The following GDAP1 variants were observed in gnomAD, a reference collection of about 807,000 sequenced individuals.
GDAP1 encodes the protein ganglioside induced differentiation associated protein 1.
GDAP1 carries 34 observed loss-of-function variants against 40.1 expected under a neutral mutation model. That is an observed-to-expected ratio of 0.85 (90% CI 0.64 to 1.13). The LOEUF (loss-of-function observed/expected upper bound fraction) is 1.13, where lower values mean the gene tolerates loss of function less well. Ranked by LOEUF, GDAP1 falls within the 50% of genes most tolerant of loss-of-function variation. The pLI is 0.00. For missense variants in GDAP1, 374 were observed against 433.7 expected (o/e 0.86, Z 1.22); for synonymous variants, 170 against 157.4 (o/e 1.08, Z -0.60).
intron 2 of GDAP1, among the ~76,000 whole-genome samples, chr8:74,390,104 C>A (rs149019167): frequency 3.9e-5 from 6 of 152,228 alleles, no homozygotes; most frequent in Non-Finnish European, 7.4e-5. Flanking sequence ...AGGTTCTTAG[C>A]CTCCTTGCAT....
intron 2 of GDAP1, among the ~76,000 whole-genome samples, chr8:74,457,933 C>T (rs1806355788): frequency 6.6e-6 from 1 of 152,084 alleles, no homozygotes; most frequent in Admixed American, 6.6e-5. Flanking sequence ...TAAAGTCCAT[C>T]ATAGTCCTTG....
intron 2 of GDAP1, among the ~76,000 whole-genome samples, chr8:74,374,848 T>TA (rs1176580992): frequency 3.3e-5 from 5 of 152,252 alleles, no homozygotes; most frequent in East Asian, 1.9e-4. Flanking sequence ...GAATTTGTAA[T>TA]AAAAAATAAC....
intron 2 of GDAP1, among the ~76,000 whole-genome samples, chr8:74,428,432 A>G (rs905951586): frequency 7.9e-5 from 12 of 151,326 alleles, no homozygotes; most frequent in African/African-American, 2.9e-4. Context: ...CACATTTTAC[A>G]TGAAATGTCA....
chr8:74,379,832 C>T (rs1809919235), intron 2 of GDAP1, among the ~76,000 whole-genome samples: 3 of 152,128 alleles, frequency 2.0e-5, no homozygotes, highest in Admixed American at 1.3e-4. Context: ...AGCAAAACAT[C>T]CTAAATAGGA....
intron 2 of GDAP1, among the ~76,000 whole-genome samples, chr8:74,416,014 C>T (rs1805773355): frequency 6.7e-6 from 1 of 149,820 alleles, no homozygotes; most frequent in African/African-American, 2.5e-5. Flanking sequence ...TGCAGGGAGG[C>T]TTATGGCCCT....
intron 2 of GDAP1, among the ~76,000 whole-genome samples, chr8:74,442,827 A>G (rs1332009175): frequency 6.6e-6 from 1 of 152,182 alleles, no homozygotes; most frequent in East Asian, 1.9e-4. Context: ...ATGCTTGGAC[A>G]TTTCCAGAAT....
At chr8:74,417,384 T>C (rs1805796589) in intron 2 of GDAP1, among the ~76,000 whole-genome samples, 2 of 149,834 alleles carry the variant, frequency 1.3e-5, no homozygotes, top group South Asian at 2.1e-4. Context: ...TCCCAACTAG[T>C]GTAATATGGC....
chr8:74,482,878 C>T (rs1207407806), intron 2 of GDAP1, among the ~76,000 whole-genome samples: 1 of 152,154 alleles, frequency 6.6e-6, no homozygotes, highest in African/African-American at 2.4e-5. Flanking sequence ...TGCTCTTGTG[C>T]TCTTTCCTCT....
At chr8:74,378,580 T>C (rs1410705151) in intron 2 of GDAP1, among the ~76,000 whole-genome samples, 2 of 152,172 alleles carry the variant, frequency 1.3e-5, no homozygotes, top group Non-Finnish European at 2.9e-5. Flanking sequence ...TAGAAGATAC[T>C]GCCATCAAAC....
intron 2 of GDAP1, among the ~76,000 whole-genome samples, chr8:74,458,948 T>C (rs1806368852): frequency 6.6e-6 from 1 of 152,144 alleles, no homozygotes; most frequent in Non-Finnish European, 1.5e-5. Flanking sequence ...CCTGCTGATA[T>C]TTCAATTTCA....
chr8:74,417,585 C>T (rs555622262), intron 2 of GDAP1, among the ~76,000 whole-genome samples: 152 of 149,382 alleles, frequency 1.0e-3, no homozygotes, highest in Admixed American at 1.6e-3. Flanking sequence ...GGTGAAACCC[C>T]GTCTGTACTA....
At chr8:74,360,010 CAG>C in intron 2 of GDAP1, 125 bp from the exon 3 acceptor site, 1 of 729,508 alleles carries the variant, frequency 1.4e-6, no homozygotes, top group South Asian at 1.5e-5. Context: ...GGTGAGGAGA[CAG>C]TGTTTTTTGA....
chr8:74,373,519 A>G (rs1212153654), intron 2 of GDAP1, among the ~76,000 whole-genome samples: 1 of 152,150 alleles, frequency 6.6e-6, no homozygotes, highest in Non-Finnish European at 1.5e-5. Flanking sequence ...CTTTGAAGCA[A>G]TTGTGAATGG....
At chr8:74,406,176 C>T (rs547579893) in intron 2 of GDAP1, among the ~76,000 whole-genome samples, 2 of 150,292 alleles carry the variant, frequency 1.3e-5, no homozygotes, top group South Asian at 4.1e-4. Flanking sequence ...TGTTTTTAAT[C>T]ACTGCTGAGT....
intron 2 of GDAP1, among the ~76,000 whole-genome samples, chr8:74,409,658 T>C (rs1239857772): frequency 6.7e-6 from 1 of 149,950 alleles, no homozygotes; most frequent in Non-Finnish European, 1.5e-5. Context: ...TGACCCTCAG[T>C]TCCTTTCTCA....
intron 2 of GDAP1, among the ~76,000 whole-genome samples, chr8:74,428,342 C>T (rs923496236): frequency 6.6e-6 from 1 of 152,156 alleles, no homozygotes; most frequent in African/African-American, 2.4e-5. Context: ...CCTAAAACAA[C>T]AGTGAAATAC....
intron 2 of GDAP1, among the ~76,000 whole-genome samples, chr8:74,449,877 A>G (rs1320384030): frequency 6.6e-6 from 1 of 151,806 alleles, no homozygotes; most frequent in African/African-American, 2.4e-5. Flanking sequence ...ATAATAAATG[A>G]GTGTTAAATG....
intron 4 of GDAP1, 24 bp downstream of exon 4, chr8:74,362,002 T>A (rs146014328): frequency 8.6e-7 from 1 of 1,158,042 alleles, no homozygotes; most frequent in South Asian, 1.2e-5. Flanking sequence ...CTGTCCTCAG[T>A]TGACATACAC....
In GDAP1 at chr8:74,373,321, G is replaced by A. The variant is rs1586812934; in HGVS notation, c.165+22000G>A. ...AGTCATTGGTAACTTGATGGGGATG[G>A]CATTGAATCTATAAATTACCTTGGG... is the stretch of plus-strand genomic sequence containing the variant. On this transcript the variant is annotated intron_variant, in intron 2 of 2. Transcript: ENST00000523640. Among the ~76,000 whole-genome samples, 4 of 152,260 alleles carry A rather than the reference G, an allele frequency of 2.6e-5. No homozygotes were observed. In the South Asian group the frequency reaches 8.3e-4, roughly 32 times the overall value.
Sources: allele counts gnomAD v4.1 joint callset (sites outside exome capture counted in the v4.1 genomes callset), GRCh38; gene constraint gnomAD v4.1.1; transcripts MANE v1.5; gene names NCBI Gene and HGNC (gene_info 2026-07-23, HGNC 2026-07-21).